The following MBD5 variants were observed in gnomAD, a reference collection of about 807,000 sequenced individuals.
The protein encoded by MBD5 is methyl-CpG binding domain protein 5.
Under a neutral mutation model 117.3 loss-of-function variants are expected in MBD5, and 13 were observed. The ratio of observed to expected loss-of-function variants is 0.11; its 90% CI spans 0.07 to 0.18. The LOEUF is 0.18. Among genes scored for constraint, MBD5 ranks in the 10% least tolerant of loss-of-function variants. The probability of loss-of-function intolerance (pLI) is 1.00; values close to 1 mark genes in which losing one functional copy is unlikely to be tolerated. For missense variants in MBD5, 1,879 were observed against 2,093.8 expected (o/e 0.90, Z 2.00); for synonymous variants, 727 against 766.4 (o/e 0.95, Z 0.85).
chr2:148,495,731 A>G (rs1012360448), intron 11 of MBD5, among the ~76,000 whole-genome samples: 2 of 152,344 alleles, frequency 1.3e-5, no homozygotes, highest in East Asian at 1.9e-4. Context: ...ACTTTTTTCC[A>G]TACAGTTATT....
At chr2:148,383,156 T>A (rs942659725) in intron 4 of MBD5, among the ~76,000 whole-genome samples, 1 of 152,116 alleles carries the variant, frequency 6.6e-6, no homozygotes, top group African/African-American at 2.4e-5. Flanking sequence ...AAAAAATTAG[T>A]GAATCCAGGA....
At chr2:148,036,704 T>G (rs1694204774) in intron 1 of MBD5, among the ~76,000 whole-genome samples, 1 of 152,042 alleles carries the variant, frequency 6.6e-6, no homozygotes, top group Non-Finnish European at 1.5e-5. Context: ...CCTAGAAACT[T>G]AACTGTCATT....
chr2:148,294,235 T>G lies in MBD5; in HGVS notation c.-679-47979T>G, dbSNP rs1480269430. On this transcript the variant is annotated intron_variant, in intron 3 of 13. Coordinates refer to ENST00000642680, the MANE Select transcript of MBD5 (RefSeq NM_001378120.1). ...TTTTTTTTTTTTTTTTTTTTTTTTT[T>G]TTTTTTTGAGACAGAGTCTTGCTCT... Among the ~76,000 whole-genome samples the G allele has an allele frequency of 1.6e-3, 88 of 53,522 alleles. 1 individual carries two copies. Among genetic ancestry groups the G allele is most frequent in the African/African-American group, 2.3e-3 (37 of 16,080 alleles). The allele number at this position is 53,522 out of a possible 152,430, so 35.1% of individuals were successfully genotyped here.
At chr2:148,432,978 C>T (rs1217209971) in intron 4 of MBD5, among the ~76,000 whole-genome samples, 1 of 152,052 alleles carries the variant, frequency 6.6e-6, no homozygotes, top group Non-Finnish European at 1.5e-5. Flanking sequence ...TTTAATGATA[C>T]TGAGTCTTCC....
intron 3 of MBD5, among the ~76,000 whole-genome samples, chr2:148,242,036 G>C (rs1700225831): frequency 6.6e-6 from 1 of 152,026 alleles, no homozygotes; most frequent in Non-Finnish European, 1.5e-5. Flanking sequence ...ACCTAGGTTG[G>C]ATTCCTGGTT....
intron 4 of MBD5, among the ~76,000 whole-genome samples, chr2:148,351,642 G>A (rs1159271256): frequency 5.3e-5 from 8 of 151,890 alleles, no homozygotes; most frequent in Non-Finnish European, 1.2e-4. Flanking sequence ...CATCAATCTG[G>A]TAAGTTCTTA....
intron 1 of MBD5, among the ~76,000 whole-genome samples, chr2:148,174,114 C>A (rs1177315963): frequency 6.6e-6 from 1 of 152,112 alleles, no homozygotes; most frequent in Admixed American, 6.5e-5. Flanking sequence ...AACACATCCC[C>A]AGTGGACTGG....
chr2:148,041,532 G>T (rs1281107532), intron 1 of MBD5, among the ~76,000 whole-genome samples: 1 of 152,114 alleles, frequency 6.6e-6, no homozygotes, highest in East Asian at 1.9e-4. Flanking sequence ...ATTTGGAGAA[G>T]AACCACCATC....
At chr2:148,285,972 A>G (rs1199110614) in intron 3 of MBD5, among the ~76,000 whole-genome samples, 2 of 152,138 alleles carry the variant, frequency 1.3e-5, no homozygotes, top group Admixed American at 6.5e-5. Context: ...AATAGTGTAT[A>G]ATTTAGTAAA....
At chr2:148,296,332 C>T (rs10168750) in intron 3 of MBD5, 156,254 of 164,996 alleles carry the variant, frequency 0.95, 74,529 homozygotes, top group East Asian at 1. Context: ...CTTTCTGTAA[C>T]CTTGTTTTGA....
At chr2:148,107,057 G>C (rs62183871) in intron 1 of MBD5, among the ~76,000 whole-genome samples, 1 of 151,934 alleles carries the variant, frequency 6.6e-6, no homozygotes, top group Non-Finnish European at 1.5e-5. Flanking sequence ...GTTGTTTTAA[G>C]TGGTATTCAT....
At chr2:148,397,325 C>CTTTT (rs34236548) in intron 4 of MBD5, among the ~76,000 whole-genome samples, 4 of 100,668 alleles carry the variant, frequency 4.0e-5, no homozygotes, top group Non-Finnish European at 7.9e-5. Flanking sequence ...TCTTCTGATC[C>CTTTT]TTTTTTTTTT....
chr2:148,174,574 T>C (rs1164475128), intron 1 of MBD5, among the ~76,000 whole-genome samples: 1 of 151,518 alleles, frequency 6.6e-6, no homozygotes, highest in Non-Finnish European at 1.5e-5. Context: ...ATCCAAAATA[T>C]ATAAGAAGCC....
chr2:148,360,181 A>G (rs904781825), intron 4 of MBD5, among the ~76,000 whole-genome samples: 4 of 152,172 alleles, frequency 2.6e-5, no homozygotes, highest in Non-Finnish European at 5.9e-5. Context: ...TGTCTCTTTT[A>G]TATAAATAAA....
chr2:148,152,430 A>G (rs1367760461), intron 1 of MBD5, among the ~76,000 whole-genome samples: 5 of 152,168 alleles, frequency 3.3e-5, no homozygotes, highest in East Asian at 3.9e-4. Flanking sequence ...TTTGGGGTGG[A>G]GAGTTCTGTA....
At chr2:148,277,643 T>C (rs1057327831) in intron 3 of MBD5, among the ~76,000 whole-genome samples, 1 of 152,170 alleles carries the variant, frequency 6.6e-6, no homozygotes, top group African/African-American at 2.4e-5. Context: ...ATCTGTATTA[T>C]GTACTCTTTT....
intron 3 of MBD5, among the ~76,000 whole-genome samples, chr2:148,274,529 G>C (rs938812166): frequency 6.6e-6 from 1 of 151,950 alleles, no homozygotes; most frequent in African/African-American, 2.4e-5. Context: ...TACTGATTTT[G>C]TTGCTAATAC....
At chr2:148,201,592 G>A (rs1699144114) in intron 2 of MBD5, among the ~76,000 whole-genome samples, 1 of 152,176 alleles carries the variant, frequency 6.6e-6, no homozygotes, top group African/African-American at 2.4e-5. Context: ...CAGTGTTACA[G>A]CCTTCTGTGT....
rs1699800509 is a variant in MBD5, at chr2:148,225,618, T to G, written c.-830-7627T>G. Among the ~76,000 whole-genome samples the G allele has an allele frequency of 6.6e-5, 10 of 152,208 alleles. No homozygotes were observed. In the South Asian group the frequency reaches 2.1e-3, roughly 32 times the overall value. On this transcript the variant is annotated intron_variant, in intron 2 of 13. Coordinates refer to ENST00000642680, the MANE Select transcript of MBD5 (RefSeq NM_001378120.1). Reference sequence around the variant, plus strand: ...CTTCTTTCTGATCAAAATACTCCCTTTAGCATTTCCTGCAGAAAGTTCTGG... The same window carrying G: ...CTTCTTTCTGATCAAAATACTCCCTGTAGCATTTCCTGCAGAAAGTTCTGG...
Sources: allele counts gnomAD v4.1 joint callset (sites outside exome capture counted in the v4.1 genomes callset), GRCh38; gene constraint gnomAD v4.1.1; transcripts MANE v1.5; gene names NCBI Gene and HGNC (gene_info 2026-07-23, HGNC 2026-07-21).